Variants in HTR4 observed in about 807,000 individuals in gnomAD.
HTR4 encodes 5-hydroxytryptamine (serotonin) receptor 4, G protein-coupled.
Under a neutral mutation model 36.8 loss-of-function variants are expected in HTR4, and 16 were observed. The ratio of observed to expected loss-of-function variants is 0.43; its 90% CI spans 0.29 to 0.66. The LOEUF is 0.66. Ranked by LOEUF, HTR4 falls within the 30% of genes least tolerant of loss-of-function variation. The pLI is 0.13. For synonymous variants in HTR4, 189 were observed against 185.1 expected, an observed-to-expected ratio of 1.02 and a Z score of -0.17; for missense variants, 438 against 490.9, an observed-to-expected ratio of 0.89 and a Z score of 1.02.
intron 6 of HTR4, among the ~76,000 whole-genome samples, chr5:148,502,734 A>G (rs967785145): frequency 5.9e-5 from 9 of 152,198 alleles, no homozygotes; most frequent in South Asian, 2.1e-4. Context: ...CAAAGAAGCT[A>G]AAAACCTTGC....
rs1284693601 is a variant in HTR4 at position 148,550,135 on chromosome 5, A to C, written c.152+2T>G. The stretch of plus-strand genomic sequence containing the variant: ...CTCAAAAGGTTCCCTCCTGCTGCTC[A>C]CCTGAGCTGCCTGTCCCAGCACACA... On this transcript the variant is annotated splice_donor_variant, in intron 3 of 6. Coordinates refer to ENST00000377888, the MANE Select transcript of HTR4 (RefSeq NM_000870.7). LOFTEE classifies it high-confidence loss of function. 6.2e-7 allele frequency: 1 copy of C among 1,613,990 alleles called. No individual in the cohort carries two copies. The highest frequency in any genetic ancestry group is 8.5e-7 in the Non-Finnish European group (1 of 1,179,972).
intron 4 of HTR4, among the ~76,000 whole-genome samples, chr5:148,547,476 G>A (rs1433570285): frequency 1.3e-5 from 2 of 148,882 alleles, no homozygotes; most frequent in African/African-American, 2.5e-5. Flanking sequence ...CCGAGATTGC[G>A]GCACTGCACT....
At chr5:148,479,733 A>G (rs1462105576), downstream of HTR4, among the ~76,000 whole-genome samples, 1 of 152,186 alleles carries the variant, frequency 6.6e-6, no homozygotes, top group Non-Finnish European at 1.5e-5. Context: ...AAACACAACC[A>G]TCATTACAAT....
intron 5 of HTR4, among the ~76,000 whole-genome samples, chr5:148,510,493 C>T (rs1039890640): frequency 9.2e-5 from 14 of 152,320 alleles, no homozygotes; most frequent in African/African-American, 3.4e-4. Flanking sequence ...GTCTGCAGAT[C>T]AGTAACATTA....
rs532309350 is a variant in HTR4 at position 148,515,353 on chromosome 5, G to A, written c.508-5329C>T. ...CCTACATATATTTGAAAACCCACAA[G>A]ACATTAATATTATTGTTATTTTAAT... On this transcript the variant is annotated intron_variant, in intron 5 of 6. Coordinates refer to ENST00000377888, the MANE Select transcript of HTR4 (RefSeq NM_000870.7). Among the ~76,000 whole-genome samples, 3 of 152,160 alleles carry A rather than the reference G, an allele frequency of 2.0e-5. No homozygotes were observed. The East Asian group carries it at 5.8e-4, about 29-fold the overall frequency.
chr5:148,460,937 G>A (rs747331815), intron 5 of HTR4, among the ~76,000 whole-genome samples: 3 of 152,014 alleles, frequency 2.0e-5, no homozygotes, highest in Non-Finnish European at 4.4e-5. Flanking sequence ...ATATGTTTAT[G>A]TGTAAATGAA....
chr5:148,649,785 A>G (rs1045215487), intron 1 of HTR4, among the ~76,000 whole-genome samples: 1 of 152,214 alleles, frequency 6.6e-6, no homozygotes, highest in Admixed American at 6.5e-5. Flanking sequence ...TGTTCCACTC[A>G]TTGATTCTCA....
chr5:148,539,148 G>T (rs1388937239), intron 4 of HTR4, among the ~76,000 whole-genome samples: 1 of 152,170 alleles, frequency 6.6e-6, no homozygotes, highest in Non-Finnish European at 1.5e-5. Context: ...TTCAATAAAT[G>T]GTGCTGGGTA....
intron 2 of HTR4, among the ~76,000 whole-genome samples, chr5:148,585,436 T>C (rs1275073453): frequency 6.6e-6 from 1 of 152,214 alleles, no homozygotes; most frequent in African/African-American, 2.4e-5. Context: ...AAAGATAGCT[T>C]AACCTTCATC....
At chr5:148,486,206 C>G (rs1756152616) in intron 6 of HTR4, among the ~76,000 whole-genome samples, 1 of 152,126 alleles carries the variant, frequency 6.6e-6, no homozygotes, top group Non-Finnish European at 1.5e-5. Flanking sequence ...CCGCAGTTCT[C>G]ATTGTTATAT....
intron 6 of HTR4, among the ~76,000 whole-genome samples, chr5:148,485,304 C>T (rs939534033): frequency 6.6e-6 from 1 of 152,192 alleles, no homozygotes; most frequent in Non-Finnish European, 1.5e-5. Flanking sequence ...CAAGTATACA[C>T]AGTTAATAAA....
intron 2 of HTR4, chr5:148,628,365 T>C (rs547287812): frequency 1.8e-4 from 27 of 152,338 alleles, no homozygotes; most frequent in African/African-American, 6.3e-4. Context: ...CCACTATCAG[T>C]GAGATCAGAT....
chr5:148,483,404 A>C, intron 6 of HTR4, 111 bp from the exon 7 acceptor site: 1 of 939,308 alleles, frequency 1.1e-6, no homozygotes, highest in Non-Finnish European at 1.7e-6. Flanking sequence ...GCAGATGAGT[A>C]GCTATTTGGC....
At chr5:148,465,850 A>C in intron 5 of HTR4, 1 of 1,610,792 alleles carries the variant, frequency 6.2e-7, no homozygotes. Flanking sequence ...ACAGACTTAC[A>C]GAGCACTTTC....
At position 148,509,767 on chromosome 5, in the gene HTR4, G is replaced by A. The variant is rs1757403426; in HGVS notation, c.765C>T (p.Thr255=). 2.5e-6 allele frequency: 4 copies of A among 1,613,936 alleles called. No homozygotes were observed. The African/African-American group carries it at 4.0e-5, about 16-fold the overall frequency. ...TGATGCACAGGGTCTTGGCTGCTTTGGTCTCTGTCCTCATGCGATGAGTGC... is the reference window on the plus strand; with the variant it reads ...TGATGCACAGGGTCTTGGCTGCTTTAGTCTCTGTCCTCATGCGATGAGTGC... ...QHSTHRMRTE[T]KAAKTLCIIM... is the part of the protein sequence containing the mutation. The change falls in exon 6 of 7, where the codon ACC becomes ACT. Residue 255 remains threonine, a synonymous_variant. Transcript: ENST00000377888.
At chr5:148,541,990 T>C (rs1306941909) in intron 4 of HTR4, among the ~76,000 whole-genome samples, 1 of 152,108 alleles carries the variant, frequency 6.6e-6, no homozygotes, top group Admixed American at 6.6e-5. Context: ...TAGTATTCAA[T>C]GGTCACCAAT....
At chr5:148,523,136 G>A (rs1256714453) in intron 5 of HTR4, 57 bp downstream of exon 5, 3 of 1,423,932 alleles carry the variant, frequency 2.1e-6, no homozygotes, top group South Asian at 1.3e-5. Flanking sequence ...ATTCATTTAG[G>A]AACCCCATGC....
chr5:148,483,567 G>A (rs1755994904), intron 6 of HTR4, among the ~76,000 whole-genome samples: 1 of 152,078 alleles, frequency 6.6e-6, no homozygotes, highest in African/African-American at 2.4e-5. Context: ...CCTCAACATT[G>A]TGCCCTCTAC....
intron 4 of HTR4, among the ~76,000 whole-genome samples, chr5:148,542,513 T>A (rs1292924443): frequency 6.6e-6 from 1 of 152,150 alleles, no homozygotes; most frequent in African/African-American, 2.4e-5. Context: ...TGTTGGAGAA[T>A]TTTGCCGATA....
Sources: gnomAD v4.1 joint callset for allele counts (sites outside exome capture counted in the v4.1 genomes callset) on GRCh38, gnomAD v4.1.1 for gene constraint, MANE v1.5 for transcripts, NCBI Gene and HGNC (gene_info 2026-07-23, HGNC 2026-07-21) for gene names.